Variants in NRG3 observed in about 807,000 individuals in gnomAD.
The protein encoded by NRG3 is pro-neuregulin-3, membrane-bound isoform.
In NRG3, 31 loss-of-function variants were observed where a neutral mutation model predicts 66.9. The observed-to-expected ratio is 0.46, with a 90% CI of 0.35 to 0.63. The LOEUF is 0.63. Among genes scored for constraint, NRG3 ranks in the 20% least tolerant of loss-of-function variants. NRG3 has a pLI of 0.00. For synonymous variants in NRG3, 393 were observed against 359.4 expected, an observed-to-expected ratio of 1.09 and a Z score of -1.06; for missense variants, 910 against 878.9, an observed-to-expected ratio of 1.04 and a Z score of -0.45.
intron 2 of NRG3, among the ~76,000 whole-genome samples, chr10:82,661,219 A>T (rs1388050404): frequency 6.6e-6 from 1 of 152,162 alleles, no homozygotes; most frequent in Non-Finnish European, 1.5e-5. Flanking sequence ...CAGTAGTTAC[A>T]GCAAACCAAC....
At chr10:82,082,009 T>C (rs1000615007) in intron 1 of NRG3, among the ~76,000 whole-genome samples, 1 of 152,178 alleles carries the variant, frequency 6.6e-6, no homozygotes, top group African/African-American at 2.4e-5. Context: ...AAATAAGTGA[T>C]AATAAATAAA....
chr10:82,126,267 C>A (rs2068443562), intron 1 of NRG3, among the ~76,000 whole-genome samples: 1 of 152,004 alleles, frequency 6.6e-6, no homozygotes, highest in African/African-American at 2.4e-5. Context: ...ATTTATTTTT[C>A]TTTAACAAAT....
At chr10:82,556,934 C>T (rs551335711) in intron 2 of NRG3, among the ~76,000 whole-genome samples, 1 of 152,234 alleles carries the variant, frequency 6.6e-6, no homozygotes, top group East Asian at 1.9e-4. Flanking sequence ...GGATAATGGC[C>T]TCCAACTCCA....
intron 1 of NRG3, among the ~76,000 whole-genome samples, chr10:82,314,286 T>G (rs1418858251): frequency 6.6e-6 from 1 of 152,208 alleles, no homozygotes; most frequent in Non-Finnish European, 1.5e-5. Flanking sequence ...TGATGTTATT[T>G]TAAAATTCTA....
At chr10:81,988,207 G>C (rs890986779) in intron 1 of NRG3, among the ~76,000 whole-genome samples, 1 of 152,116 alleles carries the variant, frequency 6.6e-6, no homozygotes, top group Non-Finnish European at 1.5e-5. Flanking sequence ...TAAGTAAATG[G>C]TCTAGAGGTC....
intron 2 of NRG3, among the ~76,000 whole-genome samples, chr10:82,621,598 C>G (rs2049043465): frequency 6.6e-6 from 1 of 152,120 alleles, no homozygotes; most frequent in Non-Finnish European, 1.5e-5. Context: ...TTCTCAATGT[C>G]TATAAAAGGT....
At chr10:82,098,643 A>T (rs1032187974) in intron 1 of NRG3, among the ~76,000 whole-genome samples, 4 of 152,110 alleles carry the variant, frequency 2.6e-5, no homozygotes, top group Admixed American at 2.0e-4. Context: ...CTTCAATGAG[A>T]ATTTTCTCCC....
chr10:82,058,460 C>T (rs1466123147), intron 1 of NRG3, among the ~76,000 whole-genome samples: 4 of 151,596 alleles, frequency 2.6e-5, no homozygotes, highest in Non-Finnish European at 5.9e-5. Context: ...TTTTCAACGA[C>T]CCGTTTCATC....
chr10:82,168,884 T>C (rs1361368889), intron 1 of NRG3, among the ~76,000 whole-genome samples: 1 of 152,198 alleles, frequency 6.6e-6, no homozygotes, highest in Admixed American at 6.6e-5. Context: ...TTCTGACTTC[T>C]AGATAAACTG....
chr10:82,002,421 G>C (rs1350399714), intron 1 of NRG3, among the ~76,000 whole-genome samples: 1 of 152,068 alleles, frequency 6.6e-6, no homozygotes, highest in Non-Finnish European at 1.5e-5. Flanking sequence ...TGTGGAGTCT[G>C]GGAACGTTCA....
At chr10:81,961,539 TC>T (rs1850366435) in intron 1 of NRG3, among the ~76,000 whole-genome samples, 1 of 152,262 alleles carries the variant, frequency 6.6e-6, no homozygotes, top group African/African-American at 2.4e-5. Context: ...TCTCTCAATT[TC>T]CTTTATTTTT....
chr10:82,550,960 C>G (rs1476035014), intron 2 of NRG3, among the ~76,000 whole-genome samples: 1 of 152,116 alleles, frequency 6.6e-6, no homozygotes, highest in African/African-American at 2.4e-5. Context: ...AGACATACTA[C>G]CAGATCCCCA....
chr10:82,820,965 A>AT (rs879944781), intron 3 of NRG3, among the ~76,000 whole-genome samples: 6 of 151,342 alleles, frequency 4.0e-5, no homozygotes, highest in Admixed American at 2.0e-4. Flanking sequence ...GATCAAAAAC[A>AT]TTTTTTTTGG....
chr10:82,930,534 A>G lies in NRG3; in HGVS notation c.1055-20935A>G, dbSNP rs141666068. On this transcript the variant is annotated intron_variant, in intron 4 of 8. Transcript: ENST00000372141. ...TATGCCTTAACTGGGTCCCCAAGAT[A>G]CTTGATTGTGTATATTGTCTGGATG... Among the ~76,000 whole-genome samples the G allele has an allele frequency of 3.3e-5, 5 of 152,252 alleles. No individual in the cohort carries two copies. The East Asian group carries it at 7.7e-4, about 24-fold the overall frequency.
At chr10:82,671,882 A>C (rs1331202950) in intron 2 of NRG3, among the ~76,000 whole-genome samples, 1 of 151,786 alleles carries the variant, frequency 6.6e-6, no homozygotes, top group Non-Finnish European at 1.5e-5. Context: ...ATCACAGGCA[A>C]AGTTTTGATT....
intron 1 of NRG3, among the ~76,000 whole-genome samples, chr10:82,059,365 T>C (rs540110533): frequency 9.9e-5 from 15 of 152,176 alleles, no homozygotes; most frequent in Admixed American, 9.2e-4. Context: ...ATACACTCAG[T>C]AGATATTTCA....
At chr10:82,889,821 A>G (rs1842996965) in intron 4 of NRG3, among the ~76,000 whole-genome samples, 1 of 152,212 alleles carries the variant, frequency 6.6e-6, no homozygotes, top group Admixed American at 6.5e-5. Context: ...ATGGCTCTAC[A>G]GTTGCCCTGA....
rs565665302 is a variant in NRG3, at chr10:82,606,613, A to G, written c.954-131964A>G. Among the ~76,000 whole-genome samples the G allele has an allele frequency of 3.9e-5, 6 of 152,288 alleles. No homozygotes were observed. In the East Asian group the frequency reaches 1.2e-3, roughly 29 times the overall value. ...CCAGCACAAGGTTAACAAGAATTAC[A>G]AGCCTGACTTTAGGAAAAATTAGAG... On this transcript the variant is annotated intron_variant, in intron 2 of 8. Coordinates refer to ENST00000372141, the MANE Select transcript of NRG3 (RefSeq NM_001010848.4).
chr10:81,889,060 A>G (rs1410315634), intron 1 of NRG3: 1 of 152,198 alleles, frequency 6.6e-6, no homozygotes, highest in Non-Finnish European at 1.5e-5. Context: ...GCATCAACAA[A>G]GCCCTAGATT....
Sources: allele counts gnomAD v4.1 joint callset (sites outside exome capture counted in the v4.1 genomes callset), GRCh38; gene constraint gnomAD v4.1.1; transcripts MANE v1.5; gene names NCBI Gene and HGNC (gene_info 2026-07-23, HGNC 2026-07-21).